The following SYNPO2 variants were observed in gnomAD, a reference collection of about 807,000 sequenced individuals.
SYNPO2 encodes the protein synaptopodin 2.
A neutral mutation model predicts 85.0 loss-of-function variants in SYNPO2; 56 were observed. That is an observed-to-expected ratio of 0.66 (90% CI 0.53 to 0.82). SYNPO2 has a LOEUF of 0.82. Ranked by LOEUF, SYNPO2 falls within the 40% of genes least tolerant of loss-of-function variation. The pLI is 0.00. For synonymous variants in SYNPO2, 602 were observed against 591.1 expected (o/e 1.02, Z -0.27); for missense variants, 1,575 against 1,534.2 (o/e 1.03, Z -0.44).
intron 1 of SYNPO2, among the ~76,000 whole-genome samples, chr4:118,950,184 A>G (rs62327803): frequency 0.099 from 15,059 of 152,308 alleles, 866 homozygotes; most frequent in East Asian, 0.16. Context: ...GTTTTAGTGT[A>G]TAACACCCAC....
At chr4:118,955,400 C>T (rs1734841382) in intron 1 of SYNPO2, among the ~76,000 whole-genome samples, 1 of 152,104 alleles carries the variant, frequency 6.6e-6, no homozygotes, top group Non-Finnish European at 1.5e-5. Flanking sequence ...TGAACTGTCC[C>T]ACAATATTAT....
intron 1 of SYNPO2, among the ~76,000 whole-genome samples, chr4:118,947,638 C>A (rs941923213): frequency 2.0e-5 from 3 of 152,196 alleles, no homozygotes; most frequent in Non-Finnish European, 2.9e-5. Flanking sequence ...GAGAAGTAAT[C>A]ATCACACTTC....
At chr4:118,857,732 C>T (rs1032085303) in intron 1 of SYNPO2, among the ~76,000 whole-genome samples, 1 of 152,168 alleles carries the variant, frequency 6.6e-6, no homozygotes, top group African/African-American at 2.4e-5. Flanking sequence ...GTAGAACGCT[C>T]TCGTACTAAG....
chr4:118,878,915 T>A (rs1731983144), intron 1 of SYNPO2, among the ~76,000 whole-genome samples: 1 of 152,194 alleles, frequency 6.6e-6, no homozygotes, highest in African/African-American at 2.4e-5. Context: ...CTGCAGTAAA[T>A]CCTACTGCTG....
intron 1 of SYNPO2, among the ~76,000 whole-genome samples, chr4:118,924,422 A>G (rs1003826783): frequency 1.4e-4 from 21 of 152,202 alleles, no homozygotes; most frequent in African/African-American, 4.8e-4. Flanking sequence ...CTGAGTAACA[A>G]TGTGGCCCTT....
intron 1 of SYNPO2, among the ~76,000 whole-genome samples, chr4:118,869,090 A>T (rs1272950200): frequency 1.3e-5 from 2 of 152,166 alleles, no homozygotes; most frequent in Admixed American, 1.3e-4. Flanking sequence ...TTTGAGACAG[A>T]GTTTCGCTCT....
intron 1 of SYNPO2, among the ~76,000 whole-genome samples, chr4:118,912,237 A>G (rs978089963): frequency 1.3e-5 from 2 of 152,228 alleles, no homozygotes; most frequent in Non-Finnish European, 2.9e-5. Context: ...GCCGGAGTGC[A>G]GTAGAGTGAC....
At chr4:118,992,989 G>T (rs762137510) in intron 1 of SYNPO2, among the ~76,000 whole-genome samples, 1 of 152,088 alleles carries the variant, frequency 6.6e-6, no homozygotes, top group Non-Finnish European at 1.5e-5. Flanking sequence ...TGGGTGGGTG[G>T]TTGGGCAAAG....
intron 1 of SYNPO2, among the ~76,000 whole-genome samples, chr4:118,896,073 A>G (rs979255188): frequency 6.6e-5 from 10 of 152,196 alleles, no homozygotes; most frequent in African/African-American, 2.4e-4. Context: ...GCCCAAAGTT[A>G]AATATAATTC....
chr4:118,877,957 C>A (rs963814410), intron 1 of SYNPO2, among the ~76,000 whole-genome samples: 2 of 152,158 alleles, frequency 1.3e-5, no homozygotes, highest in Non-Finnish European at 2.9e-5. Flanking sequence ...TGGAATCAAT[C>A]TAAATGCCCG....
intron 1 of SYNPO2, among the ~76,000 whole-genome samples, chr4:118,877,197 T>C (rs1731942470): frequency 6.6e-6 from 1 of 152,092 alleles, no homozygotes; most frequent in African/African-American, 2.4e-5. Flanking sequence ...ACCCCTTCCT[T>C]ACACCATAAA....
intron 4 of SYNPO2, chr4:119,034,064 C>T: frequency 2.0e-6 from 2 of 985,314 alleles, no homozygotes; most frequent in Non-Finnish European, 2.4e-6. Context: ...AAGATTAATA[C>T]AGGATAAAGG....
At chr4:118,891,654 T>G (rs1732384060) in intron 1 of SYNPO2, among the ~76,000 whole-genome samples, 1 of 152,202 alleles carries the variant, frequency 6.6e-6, no homozygotes, top group Non-Finnish European at 1.5e-5. Flanking sequence ...TATCTCAATG[T>G]GTTCAAGGCA....
intron 1 of SYNPO2, among the ~76,000 whole-genome samples, chr4:118,872,497 T>C (rs1731820938): frequency 6.6e-6 from 1 of 152,188 alleles, no homozygotes; most frequent in African/African-American, 2.4e-5. Flanking sequence ...TGTATTAAAA[T>C]GGCAAGAATA....
intron 1 of SYNPO2, among the ~76,000 whole-genome samples, chr4:118,893,258 A>G (rs1732434369): frequency 6.6e-6 from 1 of 152,218 alleles, no homozygotes; most frequent in African/African-American, 2.4e-5. Context: ...TTGGAATTGT[A>G]TATTTTAAGG....
chr4:118,913,613 T>C (rs965238986), intron 1 of SYNPO2, among the ~76,000 whole-genome samples: 11 of 151,290 alleles, frequency 7.3e-5, no homozygotes, highest in African/African-American at 2.7e-4. Flanking sequence ...GAAAAACTCA[T>C]TGGTGTGTTC....
At position 118,964,300 on chromosome 4, in the gene SYNPO2, ACACACACACAC is replaced by A. The variant is rs1560918179; in HGVS notation, c.106-59129_106-59119del. On this transcript the variant is annotated intron_variant, in intron 1 of 4. Transcript: ENST00000307142. ...CCTGTCTCTACAAAACACACACAAC[ACACACACACAC>A]ACACACACACACACACACACACACA... Among the ~76,000 whole-genome samples, 15 of 10,988 alleles carry A rather than the reference ACACACACACAC, an allele frequency of 1.4e-3. 1 individual carries two copies. The highest frequency in any genetic ancestry group is 0.011 in the South Asian group (2 of 180). The allele number at this position is 10,988 out of a possible 152,430, so 7.2% of individuals were successfully genotyped here. A position where few individuals can be genotyped will look rare whatever the true frequency, so the allele number is the denominator to read the frequency against.
At position 119,030,381 on chromosome 4, in the gene SYNPO2, T is replaced by C. The variant is rs1248740894; in HGVS notation, c.1606T>C (p.Tyr536His). Residue 536 changes from tyrosine to histidine, a missense_variant, in exon 4 of 5, where the codon TAC becomes CAC. Coordinates refer to ENST00000307142, the MANE Select transcript of SYNPO2 (RefSeq NM_133477.3). ...QTDGLRTTTS[Y>H]QRKEEESVRT... Reference sequence around the variant, plus strand: ...CGATGGCCTGAGAACCACGACTTCTTACCAAAGAAAGGAGGAAGAGTCGGT... The same window carrying C: ...CGATGGCCTGAGAACCACGACTTCTCACCAAAGAAAGGAGGAAGAGTCGGT... 2.5e-6 allele frequency: 4 copies of C among 1,614,000 alleles called. No individual in the cohort carries two copies. Among genetic ancestry groups the C allele is most frequent in the Non-Finnish European group, 3.4e-6 (4 of 1,180,018 alleles).
At chr4:118,868,275 G>C (rs1731738137) in intron 1 of SYNPO2, among the ~76,000 whole-genome samples, 1 of 151,944 alleles carries the variant, frequency 6.6e-6, no homozygotes, top group African/African-American at 2.4e-5. Flanking sequence ...TTTTTAAAAT[G>C]CATTCATGAA....
Sources: allele counts gnomAD v4.1 joint callset (sites outside exome capture counted in the v4.1 genomes callset), GRCh38; gene constraint gnomAD v4.1.1; transcripts MANE v1.5; gene names NCBI Gene and HGNC (gene_info 2026-07-23, HGNC 2026-07-21).